NXN: variants seen among roughly 807,000 people sequenced by gnomAD.
NXN encodes the protein nucleoredoxin 1.
NXN carries 16 observed loss-of-function variants against 48.6 expected under a neutral mutation model. The ratio of observed to expected loss-of-function variants is 0.33; its 90% CI spans 0.22 to 0.50. The LOEUF (loss-of-function observed/expected upper bound fraction) is 0.50, where lower values mean the gene tolerates loss of function less well. Ranked by LOEUF, NXN falls within the 20% of genes least tolerant of loss-of-function variation. The probability of loss-of-function intolerance (pLI) is 0.98; values close to 1 mark genes in which losing one functional copy is unlikely to be tolerated. For missense variants in NXN, 492 were observed against 605.5 expected, an observed-to-expected ratio of 0.81 and a Z score of 1.97; for synonymous variants, 281 against 269.6, an observed-to-expected ratio of 1.04 and a Z score of -0.41.
chr17:848,752 A>G (rs886917776), intron 1 of NXN, among the ~76,000 whole-genome samples: 6 of 152,224 alleles, frequency 3.9e-5, no homozygotes, highest in Admixed American at 1.3e-4. Context: ...TTGCAGATTC[A>G]GAAGCTAACA....
chr17:920,568 G>C lies in NXN; in HGVS notation c.360+58751C>G, dbSNP rs1331309646. ...CTCTCAACCCTCGACGCTCATCCAG[G>C]TTCATTCGCCATCCGTATGCCCTAG... On this transcript the variant is annotated intron_variant, in intron 1 of 7. Coordinates refer to ENST00000336868, the MANE Select transcript of NXN (RefSeq NM_022463.5). This position sits in a 1 kb window ranked among gnomAD's most constrained non-coding sequence, Gnocchi z 4.6. Among the ~76,000 whole-genome samples, 1 of 152,020 alleles carries C rather than the reference G, an allele frequency of 6.6e-6. No individual in the cohort carries two copies. The highest frequency in any genetic ancestry group is 1.5e-5 in the Non-Finnish European group (1 of 68,024).
At chr17:924,462 C>G (rs1259785015) in intron 1 of NXN, among the ~76,000 whole-genome samples, 1 of 152,224 alleles carries the variant, frequency 6.6e-6, no homozygotes, top group Non-Finnish European at 1.5e-5. Flanking sequence ...CTCTTGAACT[C>G]CCAACCTCAG....
chr17:979,327 GCTT>G lies in NXN; in HGVS notation c.349_351del (p.Lys117del). The G allele has an allele frequency of 6.5e-7, 1 of 1,530,726 alleles. No homozygotes were observed. Among genetic ancestry groups the G allele is most frequent in the South Asian group, 1.2e-5 (1 of 86,376 alleles). 94.8% of individuals were successfully genotyped at this position (1,530,726 alleles called of 1,614,324 possible). Reference sequence around the variant, plus strand: ...AGGCCCGCGCCGCTCACCTTCCTGTGCTTCTCCTTGTAGGGCAGCGCCAGCCAC... The same window carrying G: ...AGGCCCGCGCCGCTCACCTTCCTGTGCTCCTTGTAGGGCAGCGCCAGCCAC... On this transcript the variant is annotated inframe_deletion, in exon 1 of 8. Coordinates refer to ENST00000336868, the MANE Select transcript of NXN (RefSeq NM_022463.5).
chr17:913,896 ATTTATT>A (rs781022855), intron 1 of NXN, among the ~76,000 whole-genome samples: 8 of 152,020 alleles, frequency 5.3e-5, no homozygotes, highest in African/African-American at 1.9e-4. Flanking sequence ...TTATTTTATT[ATTTATT>A]TTTATTTTTA....
intron 1 of NXN, among the ~76,000 whole-genome samples, chr17:909,294 C>T (rs9915645): frequency 0.55 from 83,260 of 151,498 alleles, 23,193 homozygotes; most frequent in Admixed American, 0.67. Flanking sequence ...ACTTATAAAG[C>T]TAAACATTAC....
intron 4 of NXN, among the ~76,000 whole-genome samples, chr17:820,556 GA>G (rs2144636914): frequency 7.5e-6 from 1 of 133,448 alleles, no homozygotes; most frequent in East Asian, 2.2e-4. Context: ...AGCTTGCAGT[GA>G]GCCGAGATCG....
chr17:805,180 C>T lies in NXN; in HGVS notation c.888G>A (p.Val296=), dbSNP rs1911422631. Residue 296 remains valine (V), a synonymous_variant, in exon 6 of 8, where the codon GTG becomes GTA. Transcript: ENST00000336868. The part of the protein sequence containing the change: ...EVITRQGRVE[V]LNDEDCREFP... ...ACTCCCGGCAGTCCTCGTCGTTCAG[C>T]ACCTCCACCCGCCCCTGCCGCGTGA... is the stretch of plus-strand genomic sequence containing the variant. 1.2e-6 allele frequency: 2 copies of T among 1,609,520 alleles called. No homozygotes were observed. Among genetic ancestry groups the T allele is most frequent in the African/African-American group, 2.7e-5 (2 of 74,994 alleles).
intron 1 of NXN, among the ~76,000 whole-genome samples, chr17:832,350 T>C (rs72477053): frequency 0.2 from 22,948 of 115,940 alleles, 1,882 homozygotes; most frequent in East Asian, 0.25. Context: ...GCTACTATTT[T>C]GTATTTTTTT....
intron 5 of NXN, among the ~76,000 whole-genome samples, chr17:816,479 T>C (rs1312701856): frequency 6.6e-6 from 1 of 151,920 alleles, no homozygotes; most frequent in Non-Finnish European, 1.5e-5. Context: ...GGACCTTCCC[T>C]CCACCATCTG....
chr17:838,802 G>A (rs376808850), intron 1 of NXN, among the ~76,000 whole-genome samples: 18 of 150,180 alleles, frequency 1.2e-4, no homozygotes, highest in African/African-American at 3.7e-4. Context: ...TCAAACATCC[G>A]CCCTACAGCT....
At chr17:801,168 T>G in intron 7 of NXN, 37 bp from the exon 8 acceptor site, 1 of 1,469,748 alleles carries the variant, frequency 6.8e-7, no homozygotes, top group Non-Finnish European at 9.1e-7. Context: ...CCAAGAAGTT[T>G]TAAAGAAAGG....
chr17:804,430 G>A (rs1196309470), intron 6 of NXN, among the ~76,000 whole-genome samples: 1 of 152,062 alleles, frequency 6.6e-6, no homozygotes, highest in South Asian at 2.1e-4. Flanking sequence ...TTACAGGCGT[G>A]AGCCACCACA....
chr17:944,497 T>A (rs1191019460), intron 1 of NXN, among the ~76,000 whole-genome samples: 1 of 152,196 alleles, frequency 6.6e-6, no homozygotes, highest in African/African-American at 2.4e-5. Context: ...AGCGTGGGGC[T>A]CCCTCTCAGC....
At chr17:882,456 TTTTG>T (rs869307323) in intron 1 of NXN, among the ~76,000 whole-genome samples, 2 of 66,768 alleles carry the variant, frequency 3.0e-5, no homozygotes, top group Non-Finnish European at 6.0e-5. Flanking sequence ...CAGGGGTTTC[TTTTG>T]TTTGTTTTGT....
intron 1 of NXN, among the ~76,000 whole-genome samples, chr17:971,613 G>A (rs1226789506): frequency 3.3e-5 from 5 of 151,798 alleles, no homozygotes; most frequent in Admixed American, 6.6e-5. Flanking sequence ...GGGAGGCTGC[G>A]GCAGGAGAAT....
intron 4 of NXN, among the ~76,000 whole-genome samples, chr17:820,079 C>T (rs961537522): frequency 2.0e-5 from 3 of 152,110 alleles, no homozygotes; most frequent in African/African-American, 4.8e-5. Context: ...GGTTTATGAG[C>T]GGAGACCGAC....
chr17:889,995 A>G (rs2068398799), intron 1 of NXN, among the ~76,000 whole-genome samples: 1 of 152,140 alleles, frequency 6.6e-6, no homozygotes, highest in African/African-American at 2.4e-5. Context: ...TCTCACCAGG[A>G]TGAAGAAAGA....
intron 1 of NXN, among the ~76,000 whole-genome samples, chr17:951,638 C>A (rs1323789650): frequency 6.6e-6 from 1 of 151,888 alleles, no homozygotes; most frequent in Non-Finnish European, 1.5e-5. Flanking sequence ...CGCTCTCTGG[C>A]AGAGGCGGGC....
At position 979,612 on chromosome 17, in the gene NXN, C is replaced by G; in HGVS notation, c.67G>C (p.Val23Leu). Residue 23 changes from valine to leucine, a missense_variant, in exon 1 of 8, where the codon GTG becomes CTG. Coordinates refer to ENST00000336868, the MANE Select transcript of NXN (RefSeq NM_022463.5). ...ATGCCGCGGGCGCCCAGCGAGTGCACGTCCACCTCCTCGCCGCCGCCCGTC... is the reference window on the plus strand; with the variant it reads ...ATGCCGCGGGCGCCCAGCGAGTGCAGGTCCACCTCCTCGCCGCCGCCCGTC... Reference protein sequence around the residue: ...LVTGGGEEVDVHSLGARGISL... With the variant: ...LVTGGGEEVDLHSLGARGISL... 1 of 1,463,998 alleles carries G rather than the reference C, an allele frequency of 6.8e-7. No homozygotes were observed. Among genetic ancestry groups the G allele is most frequent in the Non-Finnish European group, 9.0e-7 (1 of 1,107,654 alleles). 90.7% of individuals were successfully genotyped at this position (1,463,998 alleles called of 1,614,324 possible). A position where few individuals can be genotyped will look rare whatever the true frequency, so the allele number is the denominator to read the frequency against.
Sources: gnomAD v4.1 joint callset for allele counts (sites outside exome capture counted in the v4.1 genomes callset) on GRCh38, gnomAD v4.1.1 for gene constraint, Gnocchi (gnomAD v3.1) non-coding constraint, MANE v1.5 for transcripts, NCBI Gene and HGNC (gene_info 2026-07-23, HGNC 2026-07-21) for gene names.